The following ACSF3 variants were observed in gnomAD, a reference collection of about 807,000 sequenced individuals.
The protein encoded by ACSF3 is acyl-CoA synthetase family member 3.
A neutral mutation model predicts 53.2 loss-of-function variants in ACSF3; 78 were observed. That is an observed-to-expected ratio of 1.47 (90% CI 1.22 to 1.77). ACSF3 has a LOEUF of 1.77. Among genes scored for constraint, ACSF3 ranks in the 40% most tolerant of loss-of-function variants. The pLI, the probability that ACSF3 is intolerant of heterozygous loss-of-function variation, is 0.00. For missense variants in ACSF3, 937 were observed against 771.1 expected, an observed-to-expected ratio of 1.22 and a Z score of -2.55; for synonymous variants, 414 against 333.1, an observed-to-expected ratio of 1.24 and a Z score of -2.65.
Position 89,137,528 on chromosome 16 carries a change from TCACGGGGAAAGA to T in ACSF3, c.1366+4267_1366+4278del, listed in dbSNP as rs1394329402. Among the ~76,000 whole-genome samples, 28 of 128,024 alleles carry T rather than the reference TCACGGGGAAAGA, an allele frequency of 2.2e-4. 1 individual carries two copies. The highest frequency in any genetic ancestry group is 1.7e-3 in the East Asian group (7 of 4,240). The allele number at this position is 128,024 out of a possible 152,430, so 84.0% of individuals were successfully genotyped here. The stretch of plus-strand genomic sequence containing the variant: ...AGGTCTCGGGAGGACCACCAGGAGC[TCACGGGGAAAGA>T]TTGAGGGGAAGAGCCCCAGGTCTCG... On this transcript the variant is annotated intron_variant, in intron 8 of 10. Transcript: ENST00000614302.
At chr16:89,110,798 C>G (rs1976588697) in intron 4 of ACSF3, among the ~76,000 whole-genome samples, 1 of 152,206 alleles carries the variant, frequency 6.6e-6, no homozygotes, top group Non-Finnish European at 1.5e-5. Context: ...CCTGGCCTCT[C>G]TCCACCCGCT....
chr16:89,114,027 G>A (rs746210062), intron 5 of ACSF3: 5 of 409,538 alleles, frequency 1.2e-5, no homozygotes, highest in South Asian at 4.1e-5. Context: ...TGTGAACAGC[G>A]CAGGAACTTT....
chr16:89,118,202 T>C (rs573286477), intron 6 of ACSF3, among the ~76,000 whole-genome samples: 17 of 149,760 alleles, frequency 1.1e-4, no homozygotes, highest in Admixed American at 1.1e-3. Context: ...TGTTCCCTCT[T>C]CTCTAAGGCA....
intron 4 of ACSF3, among the ~76,000 whole-genome samples, 176 bp from the exon 5 acceptor site, chr16:89,111,916 C>G (rs78736374): frequency 6.6e-6 from 1 of 152,228 alleles, no homozygotes; most frequent in East Asian, 1.9e-4. Flanking sequence ...CGCAGCTGTC[C>G]CGCGCAACAT....
In ACSF3 at chr16:89,102,675, C is replaced by T. The variant is rs112722289; in HGVS notation, c.738C>T (p.His246=). ...TCCTCCACGTGCTCCCGCTGCACCA[C>T]GTCCATGGTGTGGTCAACGCGCTGC... The part of the protein sequence containing the change: ...DVILHVLPLH[H]VHGVVNALLC... Residue 246 remains histidine, a synonymous_variant, in exon 4 of 11, where the codon CAC becomes CAT. Transcript: ENST00000614302. 29 of 1,613,942 alleles carry T rather than the reference C, an allele frequency of 1.8e-5. 1 individual carries two copies. The highest frequency in any genetic ancestry group is 3.3e-5 in the South Asian group (3 of 91,082).
At chr16:89,128,054 T>C (rs1369862933) in intron 7 of ACSF3, among the ~76,000 whole-genome samples, 1 of 151,890 alleles carries the variant, frequency 6.6e-6, no homozygotes, top group Non-Finnish European at 1.5e-5. Context: ...CTTTACTGTT[T>C]TTCTGTTTTC....
chr16:89,110,806 G>A (rs1001181157), intron 4 of ACSF3, among the ~76,000 whole-genome samples: 3 of 152,120 alleles, frequency 2.0e-5, no homozygotes, highest in Non-Finnish European at 2.9e-5. Context: ...CTCTCCACCC[G>A]CTTATCTGTT....
intron 4 of ACSF3, among the ~76,000 whole-genome samples, chr16:89,109,238 AAAAAAAAAAAAAG>A (rs1341756684): frequency 2.7e-5 from 4 of 148,442 alleles, no homozygotes; most frequent in African/African-American, 1.0e-4. Context: ...TCAAAAAAAA[AAAAAAAAAAAAAG>A]AAAAGAAAAG....
intron 8 of ACSF3, chr16:89,141,206 T>A: frequency 7.8e-7 from 1 of 1,287,202 alleles, no homozygotes; most frequent in African/African-American, 1.5e-5. Flanking sequence ...TCTGAGCCCT[T>A]GATAGCAGCG....
At chr16:89,105,101 C>G (rs558375292) in intron 4 of ACSF3, among the ~76,000 whole-genome samples, 1 of 151,314 alleles carries the variant, frequency 6.6e-6, no homozygotes, top group South Asian at 2.1e-4. Context: ...CCAGGGTCAC[C>G]CCCTGAAGAG....
At chr16:89,099,177 C>T (rs1284696886) in intron 2 of ACSF3, among the ~76,000 whole-genome samples, 1 of 152,242 alleles carries the variant, frequency 6.6e-6, no homozygotes, top group African/African-American at 2.4e-5. Flanking sequence ...GTGCCCCTGG[C>T]CTGTGTCCGC....
At chr16:89,104,938 C>G (rs1321986674) in intron 4 of ACSF3, among the ~76,000 whole-genome samples, 5 of 152,216 alleles carry the variant, frequency 3.3e-5, no homozygotes, top group Admixed American at 6.5e-5. Context: ...CTAGCAGTTA[C>G]TACCGTGCCA....
At chr16:89,139,873 A>T (rs1196585043) in intron 8 of ACSF3, among the ~76,000 whole-genome samples, 1 of 152,074 alleles carries the variant, frequency 6.6e-6, no homozygotes, top group Non-Finnish European at 1.5e-5. Context: ...AATTACAGGC[A>T]TGAGCCACCG....
At chr16:89,107,842 T>G (rs1976195430) in intron 4 of ACSF3, among the ~76,000 whole-genome samples, 1 of 152,158 alleles carries the variant, frequency 6.6e-6, no homozygotes, top group Non-Finnish European at 1.5e-5. Context: ...GCTGCATGTT[T>G]CATACGCCCC....
chr16:89,146,875 T>A lies in ACSF3; in HGVS notation c.1613+826T>A, dbSNP rs528765147. On this transcript the variant is annotated intron_variant, in intron 10 of 10. Coordinates refer to ENST00000614302, the MANE Select transcript of ACSF3 (RefSeq NM_001243279.3). ...CAGGGCTGAACCTGAGCTATGGCCT[T>A]GTCAAAGGCCGTCAGGACGGAAGGG... Among the ~76,000 whole-genome samples, 17 of 152,290 alleles carry A rather than the reference T, an allele frequency of 1.1e-4. No homozygotes were observed. The East Asian group carries it at 2.1e-3, about 19-fold the overall frequency.
At chr16:89,116,272 T>C (rs1395813974) in intron 6 of ACSF3, among the ~76,000 whole-genome samples, 2 of 152,218 alleles carry the variant, frequency 1.3e-5, no homozygotes, top group Non-Finnish European at 2.9e-5. Flanking sequence ...GCTCCTGGGC[T>C]CTGCTCTGTC....
chr16:89,097,810 T>C (rs1357311333), intron 1 of ACSF3, among the ~76,000 whole-genome samples: 1 of 152,076 alleles, frequency 6.6e-6, no homozygotes, highest in Admixed American at 6.5e-5. Context: ...CGTCAGGAGA[T>C]GATGTGGCCT....
In ACSF3 at chr16:89,114,414, G is replaced by C. The variant is rs1567702985; in HGVS notation, c.1053G>C (p.Leu351=). ...GGAAGAACATCACGGGCCACACCCT[G>C]CTGGAGCGGTATGGCATGACCGAGA... is the stretch of plus-strand genomic sequence containing the variant. The part of the protein sequence containing the change: ...EKWKNITGHT[L]LERYGMTEIG... The change falls in exon 6 of 11, where the codon CTG becomes CTC. Residue 351 remains leucine (L), a synonymous_variant. Transcript: ENST00000614302. The C allele has an allele frequency of 6.2e-7, 1 of 1,613,976 alleles. No individual in the cohort carries two copies. The highest frequency in any genetic ancestry group is 8.5e-7 in the Non-Finnish European group (1 of 1,180,032).
At chr16:89,148,679 T>G (rs574094280) in intron 10 of ACSF3, 16 of 152,376 alleles carry the variant, frequency 1.1e-4, no homozygotes, top group African/African-American at 3.8e-4. Flanking sequence ...GGACTCTGTG[T>G]GGGGGCTCCA....
Sources: allele counts gnomAD v4.1 joint callset (sites outside exome capture counted in the v4.1 genomes callset), GRCh38; gene constraint gnomAD v4.1.1; transcripts MANE v1.5; gene names NCBI Gene and HGNC (gene_info 2026-07-23, HGNC 2026-07-21).